The following JPH3 variants were observed in gnomAD, a reference collection of about 807,000 sequenced individuals.
The protein encoded by JPH3 is junctophilin 3, also known as junctophilin-3.
A neutral mutation model predicts 59.6 loss-of-function variants in JPH3; 11 were observed. The observed-to-expected ratio is 0.18, with a 90% CI of 0.12 to 0.31. JPH3 has a LOEUF of 0.31. JPH3 is among the 10% of genes least tolerant of loss of function. The pLI, the probability that JPH3 is intolerant of heterozygous loss-of-function variation, is 1.00. For missense variants in JPH3, 1,202 were observed against 1,105.7 expected, an observed-to-expected ratio of 1.09 and a Z score of -1.24; for synonymous variants, 673 against 483.6, an observed-to-expected ratio of 1.39 and a Z score of -5.14.
At chr16:87,630,499 C>A (rs1163062513) in intron 1 of JPH3, among the ~76,000 whole-genome samples, 2 of 89,112 alleles carry the variant, frequency 2.2e-5, no homozygotes, top group African/African-American at 1.0e-4. Flanking sequence ...TCTTCACCCA[C>A]ACCCACGTTG....
chr16:87,607,519 C>A (rs912113655), intron 1 of JPH3, among the ~76,000 whole-genome samples: 1 of 152,262 alleles, frequency 6.6e-6, no homozygotes, highest in Admixed American at 6.5e-5. Flanking sequence ...GCAGCCACTG[C>A]GCCCTTGCGG....
chr16:87,634,784 G>T (rs1401134164), intron 1 of JPH3, among the ~76,000 whole-genome samples: 1 of 152,258 alleles, frequency 6.6e-6, no homozygotes, highest in African/African-American at 2.4e-5. Context: ...CGGGCTTTGG[G>T]GTTGGGCCTC....
At position 87,684,139 on chromosome 16, in the gene JPH3, C is replaced by T; in HGVS notation, c.1161-3C>T. 1.9e-6 allele frequency: 3 copies of T among 1,613,360 alleles called. No homozygotes were observed. The highest frequency in any genetic ancestry group is 2.5e-6 in the Non-Finnish European group (3 of 1,179,854). ...CCCTCACGCTCCTCCCTGTCTCCCC[C>T]AGGACCTCCCACTCTCGGGCAAAGG... On this transcript the variant is annotated splice_polypyrimidine_tract_variant and splice_region_variant and intron_variant, in intron 2 of 4. Transcript: ENST00000284262.
chr16:87,688,304 C>T (rs779786036), intron 3 of JPH3, among the ~76,000 whole-genome samples: 1 of 152,236 alleles, frequency 6.6e-6, no homozygotes, highest in African/African-American at 2.4e-5. Context: ...TCGCTCTGCT[C>T]AGCACTGCCT....
intron 1 of JPH3, among the ~76,000 whole-genome samples, chr16:87,622,879 C>T (rs1006724105): frequency 6.6e-6 from 1 of 152,184 alleles, no homozygotes; most frequent in African/African-American, 2.4e-5. Context: ...GGTCACCCTT[C>T]CAGGGCTGGC....
At position 87,691,088 on chromosome 16, in the gene JPH3, C is replaced by CA. The variant is rs1057178820; in HGVS notation, c.2166+562_2166+563insA. ...ACTCACCGTCAGCCTCACCCAGCAC[C>CA]CCCCCCCCAAATTCGTTCCTCCAGG... is the stretch of plus-strand genomic sequence containing the variant. On this transcript the variant is annotated intron_variant, in intron 4 of 4. Coordinates refer to ENST00000284262, the MANE Select transcript of JPH3 (RefSeq NM_020655.4). 1.2e-3 allele frequency among the ~76,000 whole-genome samples: 171 copies of CA among 144,648 alleles called. 1 individual carries two copies. Among genetic ancestry groups the CA allele is most frequent in the African/African-American group, 4.2e-3 (150 of 35,594 alleles). 94.9% of individuals were successfully genotyped at this position (144,648 alleles called of 152,430 possible). A position where few individuals can be genotyped will look rare whatever the true frequency, so the allele number is the denominator to read the frequency against.
Position 87,696,781 on chromosome 16 carries a change from C to A in JPH3, c.*121C>A. The stretch of plus-strand genomic sequence containing the variant: ...CAGCCCAGCGACTTCCAAGTCCTCT[C>A]ACAGAAGAACCACACGATTGGGTAT... On this transcript the variant is annotated 3_prime_UTR_variant, in exon 5 of 5. Coordinates refer to ENST00000284262, the MANE Select transcript of JPH3 (RefSeq NM_020655.4). The A allele has an allele frequency of 2.6e-6, 2 of 769,374 alleles. No individual in the cohort carries two copies. The highest frequency in any genetic ancestry group is 2.1e-5 in the Admixed American group (1 of 47,972). 47.7% of individuals were successfully genotyped at this position (769,374 alleles called of 1,614,324 possible).
At chr16:87,671,627 C>T (rs1346734172) in intron 2 of JPH3, among the ~76,000 whole-genome samples, 2 of 65,228 alleles carry the variant, frequency 3.1e-5, no homozygotes, top group Non-Finnish European at 3.3e-5. Context: ...CGCCTGAGCT[C>T]CCAGCTCTGG....
chr16:87,678,952 CG>C (rs1567611476), intron 2 of JPH3, among the ~76,000 whole-genome samples: 3 of 152,158 alleles, frequency 2.0e-5, no homozygotes, highest in African/African-American at 7.2e-5. Context: ...TTTTGGACTC[CG>C]GGACTGCAGG....
At chr16:87,662,932 C>T (rs974705694) in intron 2 of JPH3, among the ~76,000 whole-genome samples, 6 of 152,174 alleles carry the variant, frequency 3.9e-5, no homozygotes, top group African/African-American at 9.7e-5. Flanking sequence ...AGCACCCCTT[C>T]GGGGCTGCTG....
chr16:87,653,102 C>T (rs1450068544), intron 2 of JPH3, among the ~76,000 whole-genome samples: 7 of 152,226 alleles, frequency 4.6e-5, no homozygotes, highest in Admixed American at 4.6e-4. Context: ...CAGGCCTCTG[C>T]TCTCAGTCCT....
chr16:87,645,826 A>G (rs908550745), intron 2 of JPH3, among the ~76,000 whole-genome samples: 2 of 152,258 alleles, frequency 1.3e-5, no homozygotes, highest in East Asian at 1.9e-4. Context: ...GGCAGGAGCC[A>G]CCTGCTGCAG....
intron 2 of JPH3, chr16:87,654,263 C>G (rs573495220): frequency 2.0e-5 from 3 of 152,364 alleles, no homozygotes; most frequent in African/African-American, 7.2e-5. Flanking sequence ...GACTCATCCC[C>G]AACTCCCAGA....
chr16:87,658,330 TTC>T (rs139057654), intron 2 of JPH3, among the ~76,000 whole-genome samples: 95 of 152,124 alleles, frequency 6.2e-4, no homozygotes, highest in African/African-American at 2.2e-3. Flanking sequence ...GACAGGAATT[TTC>T]TCTGTTTCCC....
intron 1 of JPH3, among the ~76,000 whole-genome samples, chr16:87,633,456 C>A (rs1391226617): frequency 6.6e-6 from 1 of 150,974 alleles, no homozygotes; most frequent in Non-Finnish European, 1.5e-5. Context: ...GCAGACATAA[C>A]TATTCAGAAC....
chr16:87,685,650 C>T (rs1044904897), intron 3 of JPH3, among the ~76,000 whole-genome samples: 15 of 152,270 alleles, frequency 9.9e-5, no homozygotes, highest in African/African-American at 3.4e-4. Context: ...TGCCAGAACC[C>T]TGGCTGGGCC....
intron 1 of JPH3, among the ~76,000 whole-genome samples, chr16:87,644,028 C>T (rs962217747): frequency 3.3e-5 from 5 of 152,160 alleles, no homozygotes; most frequent in Admixed American, 6.5e-5. Context: ...GTCCCAGCTG[C>T]GCAGGAGGCT....
At chr16:87,637,096 C>T (rs772363931) in intron 1 of JPH3, among the ~76,000 whole-genome samples, 10 of 152,226 alleles carry the variant, frequency 6.6e-5, no homozygotes, top group East Asian at 1.9e-4. Context: ...TTTGACCAGC[C>T]GTTCTTTTAT....
intron 4 of JPH3, chr16:87,694,500 G>C (rs1056565722): frequency 2.6e-5 from 4 of 152,356 alleles, no homozygotes; most frequent in East Asian, 1.9e-4. Context: ...CATCCCCAGA[G>C]GGAGTTCTCC....
Sources: allele counts gnomAD v4.1 joint callset (sites outside exome capture counted in the v4.1 genomes callset), GRCh38; gene constraint gnomAD v4.1.1; transcripts MANE v1.5; gene names NCBI Gene and HGNC (gene_info 2026-07-23, HGNC 2026-07-21).